The following ZNF704 variants were observed in gnomAD, a reference collection of about 807,000 sequenced individuals.
ZNF704 encodes the protein glucocorticoid induced gene 1.
A neutral mutation model predicts 44.7 loss-of-function variants in ZNF704; 10 were observed. The observed-to-expected ratio is 0.22, with a 90% CI of 0.14 to 0.38. ZNF704 has a LOEUF of 0.38. ZNF704 is among the 10% of genes least tolerant of loss of function. The probability of loss-of-function intolerance (pLI) is 1.00; values close to 1 mark genes in which losing one functional copy is unlikely to be tolerated. For synonymous variants in ZNF704, 211 were observed against 207.6 expected (o/e 1.02, Z -0.14); for missense variants, 390 against 545.5 (o/e 0.71, Z 2.84).
At chr8:80,650,109 G>A (rs1185864346) in intron 7 of ZNF704, among the ~76,000 whole-genome samples, 25 of 152,204 alleles carry the variant, frequency 1.6e-4, no homozygotes, top group Non-Finnish European at 2.9e-5. Context: ...GGTCCTGACT[G>A]TTAGAAGGAA....
the ZNF704 span, among the ~76,000 whole-genome samples, chr8:80,881,293 A>G: frequency 6.6e-6 from 1 of 152,262 alleles, no homozygotes; most frequent in Non-Finnish European, 1.5e-5. Flanking sequence ...ATGATTTAAA[A>G]AGAAGTCTTT....
chr8:80,682,636 GT>G (rs1212715678), intron 4 of ZNF704, among the ~76,000 whole-genome samples: 8 of 137,134 alleles, frequency 5.8e-5, no homozygotes, highest in Non-Finnish European at 1.4e-4. Flanking sequence ...CACGGTCAGT[GT>G]GGGTCAGGGT....
chr8:80,769,951 TG>T (rs1032244566), intron 2 of ZNF704, among the ~76,000 whole-genome samples: 17 of 152,178 alleles, frequency 1.1e-4, no homozygotes, highest in Non-Finnish European at 2.4e-4. Flanking sequence ...TCCACGTGGC[TG>T]GGGAGGCCTC....
rs1817744096 is a variant in ZNF704 at position 80,641,567 on chromosome 8, A to AG, written c.1128-91dup. The AG allele has an allele frequency of 6.2e-6, 3 of 482,558 alleles. No homozygotes were observed. In the African/African-American group the frequency reaches 8.3e-5, roughly 13 times the overall value. The allele number at this position is 482,558 out of a possible 1,614,324, so 29.9% of individuals were successfully genotyped here. On this transcript the variant is annotated intron_variant, in intron 8 of 8. Transcript: ENST00000327835. ...CAAAAATCCCTTGCAAGAGTGAGGG[A>AG]GGAAAAAAAAAAAAAAAAGGCTGGC...
At chr8:80,743,462 GATAA>G (rs760318295) in intron 2 of ZNF704, among the ~76,000 whole-genome samples, 7 of 152,172 alleles carry the variant, frequency 4.6e-5, no homozygotes, top group Non-Finnish European at 1.0e-4. Context: ...CACATGTAAT[GATAA>G]ATAAATAAAT....
chr8:80,783,500 G>A (rs986958581), intron 2 of ZNF704, among the ~76,000 whole-genome samples: 3 of 152,100 alleles, frequency 2.0e-5, no homozygotes, highest in African/African-American at 7.2e-5. Flanking sequence ...AGCAACTGGG[G>A]TAGCCTTTGG....
chr8:80,795,522 T>C (rs560125154), intron 2 of ZNF704, among the ~76,000 whole-genome samples: 2 of 152,040 alleles, frequency 1.3e-5, no homozygotes, highest in East Asian at 3.9e-4. Context: ...ACATTGAAAA[T>C]ACGCTTTTAC....
intron 2 of ZNF704, among the ~76,000 whole-genome samples, chr8:80,784,616 T>C (rs1364095041): frequency 6.6e-6 from 1 of 152,222 alleles, no homozygotes; most frequent in Non-Finnish European, 1.5e-5. Flanking sequence ...GTTGTTTTTT[T>C]ATTTTTGAGA....
At chr8:80,880,711 TTTAAA>T in the ZNF704 span, among the ~76,000 whole-genome samples, 2 of 152,226 alleles carry the variant, frequency 1.3e-5, no homozygotes, top group Non-Finnish European at 2.9e-5. Context: ...TGATAGCCAT[TTTAAA>T]CTTGATACCA....
intron 5 of ZNF704, among the ~76,000 whole-genome samples, chr8:80,669,637 G>C (rs377410542): frequency 2.2e-4 from 33 of 152,324 alleles, no homozygotes; most frequent in African/African-American, 7.0e-4. Context: ...AGTGACTGCT[G>C]CATTTATTTC....
At chr8:80,777,769 C>T (rs1016007180) in intron 2 of ZNF704, among the ~76,000 whole-genome samples, 9 of 151,942 alleles carry the variant, frequency 5.9e-5, no homozygotes, top group African/African-American at 1.7e-4. Flanking sequence ...ATCCCAGCTA[C>T]GCGGGAGGCT....
intron 2 of ZNF704, among the ~76,000 whole-genome samples, chr8:80,707,282 TA>T (rs1818913423): frequency 6.6e-6 from 1 of 152,230 alleles, no homozygotes; most frequent in Admixed American, 6.5e-5. Flanking sequence ...ATATGTGAAC[TA>T]AATGCAATTC....
intron 2 of ZNF704, among the ~76,000 whole-genome samples, chr8:80,737,122 A>T (rs73692103): frequency 0.041 from 6,254 of 152,308 alleles, 450 homozygotes; most frequent in African/African-American, 0.14. Flanking sequence ...TGATTTGCTA[A>T]CCATGTTTCA....
rs1235949521 is a variant in ZNF704, at chr8:80,631,794, A to G, written c.*9572T>C. On this transcript the variant is annotated 3_prime_UTR_variant, in exon 9 of 9. Transcript: ENST00000327835. ...ACCTAAAACCGTTCAGACAGATGGA[A>G]TATTTCCCCCGAAGGGAGGGAATAG... is the stretch of plus-strand genomic sequence containing the variant. The G allele has an allele frequency of 6.6e-6, 1 of 152,250 alleles. No individual in the cohort carries two copies. Among genetic ancestry groups the G allele is most frequent in the East Asian group, 1.9e-4 (1 of 5,196 alleles). 9.4% of individuals were successfully genotyped at this position (152,250 alleles called of 1,614,324 possible).
At position 80,676,762 on chromosome 8, in the gene ZNF704, T is replaced by A. The variant is rs371309124; in HGVS notation, c.559-6159A>T. Among the ~76,000 whole-genome samples, 107 of 152,292 alleles carry A rather than the reference T, an allele frequency of 7.0e-4. 1 individual carries two copies. The highest frequency in any genetic ancestry group is 2.4e-3 in the African/African-American group (99 of 41,568). On this transcript the variant is annotated intron_variant, in intron 4 of 8. Coordinates refer to ENST00000327835, the MANE Select transcript of ZNF704 (RefSeq NM_001033723.3). Reference sequence around the variant, plus strand: ...GCAGGTTGGGAGAGGATGGCACAGGTCGGGATGAAACTGTTCCATCAGGCA... The same window carrying A: ...GCAGGTTGGGAGAGGATGGCACAGGACGGGATGAAACTGTTCCATCAGGCA...
chr8:80,841,988 G>A (rs1019639558), intron 1 of ZNF704, among the ~76,000 whole-genome samples: 2 of 151,922 alleles, frequency 1.3e-5, no homozygotes, highest in Admixed American at 1.3e-4. Flanking sequence ...CTAGCGATTG[G>A]GTCTCCCTTT....
chr8:80,714,312 T>C (rs1476478294), intron 2 of ZNF704, among the ~76,000 whole-genome samples: 2 of 152,216 alleles, frequency 1.3e-5, no homozygotes, highest in Non-Finnish European at 2.9e-5. Context: ...CAACAAATAT[T>C]TGTTGAACGA....
chr8:80,678,199 T>C (rs11997109), intron 4 of ZNF704, among the ~76,000 whole-genome samples: 15,591 of 152,200 alleles, frequency 0.1, 2,702 homozygotes, highest in African/African-American at 0.35. Context: ...CCTAGAGATA[T>C]AGAAAGTTGC....
At chr8:80,785,438 T>G (rs1400396175) in intron 2 of ZNF704, among the ~76,000 whole-genome samples, 1 of 152,260 alleles carries the variant, frequency 6.6e-6, no homozygotes, top group Non-Finnish European at 1.5e-5. Context: ...TGAAGGGTTA[T>G]GTTCTACTTC....
Sources: allele counts gnomAD v4.1 joint callset (sites outside exome capture counted in the v4.1 genomes callset), GRCh38; gene constraint gnomAD v4.1.1; transcripts MANE v1.5; gene names NCBI Gene and HGNC (gene_info 2026-07-23, HGNC 2026-07-21).